EIPR1: variants seen among roughly 807,000 people sequenced by gnomAD.
The protein encoded by EIPR1 is EARP complex and GARP complex interacting protein 1.
In EIPR1, 25 loss-of-function variants were observed where a neutral mutation model predicts 48.1. That is an observed-to-expected ratio of 0.52 (90% CI 0.38 to 0.73). The LOEUF (loss-of-function observed/expected upper bound fraction) is 0.73, where lower values mean the gene tolerates loss of function less well. Among genes scored for constraint, EIPR1 ranks in the 30% least tolerant of loss-of-function variants. The pLI, the probability that EIPR1 is intolerant of heterozygous loss-of-function variation, is 0.00. For missense variants in EIPR1, 415 were observed against 506.2 expected, an observed-to-expected ratio of 0.82 and a Z score of 1.73; for synonymous variants, 204 against 201.9, an observed-to-expected ratio of 1.01 and a Z score of -0.09.
At chr2:3,230,044 C>T (rs1223864904) in intron 4 of EIPR1, among the ~76,000 whole-genome samples, 1 of 152,214 alleles carries the variant, frequency 6.6e-6, no homozygotes, top group Non-Finnish European at 1.5e-5. Flanking sequence ...GAACACTGAA[C>T]ATTTTTCCAT....
chr2:3,271,611 G>A (rs949684492), intron 3 of EIPR1, among the ~76,000 whole-genome samples: 3 of 152,212 alleles, frequency 2.0e-5, no homozygotes, highest in African/African-American at 7.2e-5. Context: ...CTGAGCAGTA[G>A]GTCTCAACAG....
intron 6 of EIPR1, among the ~76,000 whole-genome samples, chr2:3,195,557 ATACC>A (rs1271899683): frequency 6.6e-6 from 1 of 152,228 alleles, no homozygotes; most frequent in Non-Finnish European, 1.5e-5. Flanking sequence ...CTAAAATATA[ATACC>A]TAAACTTTTA....
chr2:3,337,966 ATACCTCCAGT>A (rs1454399514), intron 3 of EIPR1, 41 bp downstream of exon 3: 1 of 1,551,824 alleles, frequency 6.4e-7, no homozygotes, highest in African/African-American at 1.4e-5. Flanking sequence ...GTCTTAGGAA[ATACCTCCAGT>A]TACCTCCAGT....
At chr2:3,241,126 C>T (rs1666606187) in intron 4 of EIPR1, among the ~76,000 whole-genome samples, 1 of 98,882 alleles carries the variant, frequency 1.0e-5, no homozygotes, top group African/African-American at 3.4e-5. Context: ...TAAAGAAAAG[C>T]AGCAGACTCT....
chr2:3,289,063 A>G (rs919749423), intron 3 of EIPR1, among the ~76,000 whole-genome samples: 1 of 152,194 alleles, frequency 6.6e-6, no homozygotes, highest in Non-Finnish European at 1.5e-5. Context: ...CTGGAGTTTT[A>G]ATTGCCCATT....
chr2:3,293,263 C>A (rs79132971), intron 3 of EIPR1, among the ~76,000 whole-genome samples: 6,928 of 152,310 alleles, frequency 0.045, 185 homozygotes, highest in Non-Finnish European at 0.069. Context: ...CCCAGGACAC[C>A]TTTCCTAGCA....
chr2:3,252,419 C>T (rs1396958567), intron 4 of EIPR1, among the ~76,000 whole-genome samples: 4 of 152,280 alleles, frequency 2.6e-5, no homozygotes, highest in South Asian at 4.1e-4. Context: ...GGCAAAACCC[C>T]GTCTCTACTA....
intron 4 of EIPR1, among the ~76,000 whole-genome samples, chr2:3,250,881 C>G (rs1423881989): frequency 6.6e-6 from 1 of 152,170 alleles, no homozygotes; most frequent in Admixed American, 6.5e-5. Flanking sequence ...AAAGCCTCAC[C>G]AAGAGCAGAT....
intron 3 of EIPR1, among the ~76,000 whole-genome samples, chr2:3,292,628 G>T (rs1268592012): frequency 6.6e-6 from 1 of 152,162 alleles, no homozygotes; most frequent in East Asian, 1.9e-4. Context: ...GCCAGAGCCG[G>T]AACTCAAATC....
intron 2 of EIPR1, chr2:3,353,220 A>T (rs745625117): frequency 2.1e-6 from 1 of 471,068 alleles, no homozygotes; most frequent in South Asian, 1.5e-5. Context: ...GTTTCCTGGC[A>T]TCCGCTGGGT....
intron 1 of EIPR1, among the ~76,000 whole-genome samples, chr2:3,362,692 C>T (rs949849198): frequency 6.6e-6 from 1 of 151,878 alleles, no homozygotes; most frequent in East Asian, 1.9e-4. Context: ...AATATAAACT[C>T]CATCTACAGT....
intron 5 of EIPR1, among the ~76,000 whole-genome samples, chr2:3,202,222 C>G (rs544295433): frequency 6.6e-6 from 1 of 152,236 alleles, no homozygotes; most frequent in Non-Finnish European, 1.5e-5. Flanking sequence ...CAGGCGTGAG[C>G]CACCGCACCC....
chr2:3,255,710 A>G (rs1667134555), intron 4 of EIPR1, among the ~76,000 whole-genome samples: 1 of 152,220 alleles, frequency 6.6e-6, no homozygotes. Flanking sequence ...GCCATCCGCT[A>G]CACATGCTAA....
chr2:3,237,733 G>A (rs1479359876), intron 4 of EIPR1, among the ~76,000 whole-genome samples: 2 of 152,292 alleles, frequency 1.3e-5, no homozygotes, highest in Middle Eastern at 3.4e-3. Context: ...GAAGGATTGA[G>A]CCCTTGGTGC....
intron 2 of EIPR1, among the ~76,000 whole-genome samples, chr2:3,341,386 G>T (rs1434855124): frequency 6.6e-6 from 1 of 152,208 alleles, no homozygotes; most frequent in African/African-American, 2.4e-5. Flanking sequence ...AGTGACACGG[G>T]TGCACGTGGG....
chr2:3,244,347 A>T (rs181828269), intron 4 of EIPR1, among the ~76,000 whole-genome samples: 32 of 152,292 alleles, frequency 2.1e-4, no homozygotes, highest in Admixed American at 1.3e-4. Context: ...AATTCCTTAC[A>T]TGCAGGGTTA....
intron 3 of EIPR1, among the ~76,000 whole-genome samples, chr2:3,277,571 C>G (rs6761424): frequency 0.63 from 96,461 of 152,108 alleles, 30,885 homozygotes; most frequent in East Asian, 0.8. Context: ...GTGAACAACC[C>G]CAGGCCGTGG....
chr2:3,369,412 C>T (rs58440442), intron 1 of EIPR1, among the ~76,000 whole-genome samples: 6,733 of 152,160 alleles, frequency 0.044, 616 homozygotes, highest in East Asian at 0.4. Flanking sequence ...GAACCGTGCG[C>T]AAGCCGAAGC....
At chr2:3,307,277 G>A (rs2103303435) in intron 3 of EIPR1, among the ~76,000 whole-genome samples, 1 of 152,080 alleles carries the variant, frequency 6.6e-6, no homozygotes, top group East Asian at 1.9e-4. Context: ...TCCAATATGT[G>A]TCAAAAACTC....
Sources: gnomAD v4.1 joint callset for allele counts (sites outside exome capture counted in the v4.1 genomes callset) on GRCh38, gnomAD v4.1.1 for gene constraint, MANE v1.5 for transcripts, NCBI Gene and HGNC (gene_info 2026-07-23, HGNC 2026-07-21) for gene names.